The following IGSF11 variants were observed in gnomAD, a reference collection of about 807,000 sequenced individuals.
IGSF11 encodes the protein immunoglobulin superfamily member 11, also known as CXADR like 1.
IGSF11 carries 22 observed loss-of-function variants against 41.0 expected under a neutral mutation model. That is an observed-to-expected ratio of 0.54 (90% CI 0.38 to 0.77). The LOEUF is 0.77. Among genes scored for constraint, IGSF11 ranks in the 30% least tolerant of loss-of-function variants. The probability of loss-of-function intolerance (pLI) is 0.00; values close to 1 mark genes in which losing one functional copy is unlikely to be tolerated. For synonymous variants in IGSF11, 219 were observed against 201.3 expected (o/e 1.09, Z -0.74); for missense variants, 444 against 530.8 (o/e 0.84, Z 1.61).
At position 119,081,321 on chromosome 3, in the gene IGSF11, T is replaced by G. The variant is rs189832701; in HGVS notation, c.49+23823A>C. 2.2e-4 allele frequency among the ~76,000 whole-genome samples: 34 copies of G among 152,286 alleles called. No individual in the cohort carries two copies. The East Asian group carries it at 6.2e-3, about 28-fold the overall frequency. On this transcript the variant is annotated intron_variant, in intron 1 of 6. Transcript: ENST00000354673. ...AATCTTATCCTTTACTTCTTTTCCC[T>G]CTACTTTTTATTGCTTCTTGTTCCA...
chr3:119,093,834 A>G (rs1038575045), intron 1 of IGSF11, among the ~76,000 whole-genome samples: 1 of 152,206 alleles, frequency 6.6e-6, no homozygotes, highest in Non-Finnish European at 1.5e-5. Context: ...CACAGATAGT[A>G]GACCCAAAAG....
intron 1 of IGSF11, among the ~76,000 whole-genome samples, chr3:119,082,955 C>T (rs1303239180): frequency 6.6e-6 from 1 of 151,970 alleles, no homozygotes. Flanking sequence ...ATTATACAGA[C>T]TTAAAATCAA....
At chr3:119,038,357 C>A (rs891163563), upstream of IGSF11, among the ~76,000 whole-genome samples, 6 of 152,178 alleles carry the variant, frequency 3.9e-5, no homozygotes, top group African/African-American at 1.4e-4. Context: ...TCTTCCCACT[C>A]CTCTGTCAAC....
intron 1 of IGSF11, among the ~76,000 whole-genome samples, chr3:119,100,283 A>G (rs1445007304): frequency 6.6e-6 from 1 of 152,220 alleles, no homozygotes; most frequent in Non-Finnish European, 1.5e-5. Context: ...CAGCTGTAAC[A>G]ATGGCAATAG....
chr3:119,015,390 C>A (rs61387366), intron 1 of IGSF11, among the ~76,000 whole-genome samples: 1,739 of 152,348 alleles, frequency 0.011, 34 homozygotes, highest in African/African-American at 0.039. Context: ...CAACCCACTA[C>A]AACCCTGTCA....
chr3:119,131,020 A>T (rs1030256799), intron 1 of IGSF11, among the ~76,000 whole-genome samples: 1 of 151,724 alleles, frequency 6.6e-6, no homozygotes, highest in Non-Finnish European at 1.5e-5. Flanking sequence ...ACAACAAAAA[A>T]ATCCTCACCA....
chr3:119,034,131 TA>T (rs1940682954), intron 1 of IGSF11, among the ~76,000 whole-genome samples: 1 of 152,258 alleles, frequency 6.6e-6, no homozygotes, highest in Non-Finnish European at 1.5e-5. Context: ...CAAATGATTT[TA>T]AAAGCACTTC....
chr3:118,927,089 A>G (rs1454626697), intron 3 of IGSF11, among the ~76,000 whole-genome samples: 1 of 149,028 alleles, frequency 6.7e-6, no homozygotes, highest in Non-Finnish European at 1.5e-5. Flanking sequence ...AGGAATCAGG[A>G]AAAAAAAAAG....
At chr3:119,091,708 A>C (rs995983314) in intron 1 of IGSF11, among the ~76,000 whole-genome samples, 7 of 152,140 alleles carry the variant, frequency 4.6e-5, no homozygotes, top group African/African-American at 1.7e-4. Flanking sequence ...CTAGGGAAGA[A>C]GTGAGTGGGA....
intron 1 of IGSF11, among the ~76,000 whole-genome samples, chr3:119,051,563 A>G (rs1941628379): frequency 6.6e-6 from 1 of 152,188 alleles, no homozygotes; most frequent in African/African-American, 2.4e-5. Flanking sequence ...AGCACTAAAC[A>G]AGTTATCAAG....
At chr3:118,991,654 T>C (rs1935802382) in intron 1 of IGSF11, among the ~76,000 whole-genome samples, 2 of 152,194 alleles carry the variant, frequency 1.3e-5, no homozygotes. Context: ...GCCTCTGCCT[T>C]TGTAAAATGA....
chr3:119,077,294 G>T (rs1287667420), intron 1 of IGSF11, among the ~76,000 whole-genome samples: 2 of 152,056 alleles, frequency 1.3e-5, no homozygotes, highest in Non-Finnish European at 2.9e-5. Flanking sequence ...GGGAGGGAAA[G>T]CATTAGGAGA....
exon 1 of IGSF11, chr3:119,145,893 C>T (rs1289743669): frequency 1.2e-5 from 4 of 342,424 alleles, no homozygotes; most frequent in East Asian, 1.2e-4. Context: ...TGGCGATGCA[C>T]GGAGCCCCGT....
intron 1 of IGSF11, among the ~76,000 whole-genome samples, chr3:119,142,611 C>A (rs892991413): frequency 3.3e-4 from 50 of 152,000 alleles, no homozygotes; most frequent in Non-Finnish European, 1.6e-4. Flanking sequence ...ATAAGACACC[C>A]TTAAGTGTAC....
At chr3:118,920,350 A>C (rs1251906834) in intron 4 of IGSF11, among the ~76,000 whole-genome samples, 5 of 150,220 alleles carry the variant, frequency 3.3e-5, no homozygotes, top group African/African-American at 4.9e-5. Context: ...TTAAATAAAT[A>C]AATAAATAAA....
upstream of IGSF11, among the ~76,000 whole-genome samples, chr3:119,107,480 G>C (rs1205719064): frequency 6.6e-6 from 1 of 152,086 alleles, no homozygotes; most frequent in African/African-American, 2.4e-5. Context: ...GTAGATTCTG[G>C]ATATTAGCCC....
chr3:119,050,801 G>A (rs1389326914), intron 1 of IGSF11, among the ~76,000 whole-genome samples: 1 of 151,684 alleles, frequency 6.6e-6, no homozygotes, highest in Non-Finnish European at 1.5e-5. Flanking sequence ...ATACACCATG[G>A]AATACTATGC....
intron 1 of IGSF11, among the ~76,000 whole-genome samples, chr3:118,971,531 G>A (rs914902181): frequency 3.3e-5 from 5 of 152,124 alleles, no homozygotes; most frequent in South Asian, 4.2e-4. Context: ...TGGGCCGGGC[G>A]CAGTGGCTCA....
intron 1 of IGSF11, among the ~76,000 whole-genome samples, chr3:119,045,024 AT>A (rs1340765241): frequency 6.6e-6 from 1 of 152,272 alleles, no homozygotes; most frequent in Non-Finnish European, 1.5e-5. Flanking sequence ...AACAATCAGC[AT>A]GATGAATAGA....
Sources: gnomAD v4.1 joint callset for allele counts (sites outside exome capture counted in the v4.1 genomes callset) on GRCh38, gnomAD v4.1.1 for gene constraint, MANE v1.5 for transcripts, NCBI Gene and HGNC (gene_info 2026-07-23, HGNC 2026-07-21) for gene names.